The following TRPM3 variants were observed in gnomAD, a reference collection of about 807,000 sequenced individuals.
The protein encoded by TRPM3 is transient receptor potential cation channel subfamily M member 3, also known as long transient receptor potential channel 3.
In TRPM3, 77 loss-of-function variants were observed where a neutral mutation model predicts 181.2. The ratio of observed to expected loss-of-function variants is 0.42; its 90% confidence interval spans 0.35 to 0.51. The LOEUF (loss-of-function observed/expected upper bound fraction) is 0.51, where lower values mean the gene tolerates loss of function less well. TRPM3 is among the 20% of genes least tolerant of loss of function. TRPM3 has a pLI of 0.01. For synonymous variants in TRPM3, 745 were observed against 796.4 expected (o/e 0.94, Z 1.09); for missense variants, 1,759 against 2,196.7 (o/e 0.80, Z 3.98).
At chr9:70,947,668 G>A (rs182107147) in intron 1 of TRPM3, among the ~76,000 whole-genome samples, 2 of 152,226 alleles carry the variant, frequency 1.3e-5, no homozygotes, top group East Asian at 3.9e-4. Context: ...GAGACAATAA[G>A]GAAAGCTGCC....
At chr9:71,229,870 T>C (rs1316838703) in intron 1 of TRPM3, among the ~76,000 whole-genome samples, 1 of 151,986 alleles carries the variant, frequency 6.6e-6, no homozygotes, top group Non-Finnish European at 1.5e-5. Flanking sequence ...TGGAAAACAG[T>C]TTGGAGGTTT....
intron 1 of TRPM3, among the ~76,000 whole-genome samples, chr9:71,250,035 C>T (rs2082252851): frequency 1.3e-5 from 2 of 152,178 alleles, no homozygotes; most frequent in Non-Finnish European, 2.9e-5. Flanking sequence ...CTTGATAACT[C>T]CTCATTGACA....
In TRPM3 at chr9:70,894,856, G is replaced by A. The variant is rs192176391; in HGVS notation, c.178-30345C>T. The stretch of plus-strand genomic sequence containing the variant: ...CAAGAAGCTTACATTTTAGTGTCAC[G>A]CTGATTCTAACAGGACCTATTGCGG... On this transcript the variant is annotated intron_variant, in intron 1 of 25. Transcript: ENST00000677713. Among the ~76,000 whole-genome samples, 316 of 152,182 alleles carry A rather than the reference G, an allele frequency of 2.1e-3. 2 individuals are homozygous for A. Among genetic ancestry groups the A allele is most frequent in the Middle Eastern group, 6.8e-3 (2 of 294 alleles).
intron 5 of TRPM3, chr9:70,842,785 T>A: frequency 2.0e-6 from 1 of 503,398 alleles, no homozygotes; most frequent in South Asian, 4.3e-5. Context: ...TAAGTCTTAC[T>A]TTGGACCTTT....
chr9:70,619,348 T>C (rs529928742), intron 16 of TRPM3, among the ~76,000 whole-genome samples: 29 of 151,466 alleles, frequency 1.9e-4, no homozygotes, highest in Middle Eastern at 3.4e-3. Flanking sequence ...GATTCAGTCA[T>C]ATGAGTGTAG....
intron 1 of TRPM3, among the ~76,000 whole-genome samples, chr9:71,052,677 A>C (rs1237651388): frequency 6.6e-6 from 1 of 152,202 alleles, no homozygotes; most frequent in Middle Eastern, 3.4e-3. Flanking sequence ...CCATTCAAAA[A>C]ACCCTACATC....
At chr9:71,287,003 A>G (rs1163706707) in intron 1 of TRPM3, among the ~76,000 whole-genome samples, 2 of 141,438 alleles carry the variant, frequency 1.4e-5, no homozygotes, top group African/African-American at 2.6e-5. Context: ...ATTATATAAT[A>G]TACAACATAT....
chr9:71,184,463 T>C (rs1432876729), intron 1 of TRPM3, among the ~76,000 whole-genome samples: 2 of 152,114 alleles, frequency 1.3e-5, no homozygotes, highest in Non-Finnish European at 2.9e-5. Flanking sequence ...CTCTTCTCTT[T>C]TTCCTCTTCA....
chr9:71,268,449 T>C (rs1013009029), intron 1 of TRPM3, among the ~76,000 whole-genome samples: 85 of 152,158 alleles, frequency 5.6e-4, no homozygotes, highest in African/African-American at 2.0e-3. Context: ...AGTTGAATGA[T>C]AAAATTAAAC....
At chr9:70,600,979 G>T (rs907384221) in intron 20 of TRPM3, among the ~76,000 whole-genome samples, 6 of 152,142 alleles carry the variant, frequency 3.9e-5, no homozygotes, top group Non-Finnish European at 8.8e-5. Context: ...AATCCCCCCT[G>T]CCTCCTCCAC....
Position 70,799,998 on chromosome 9 carries a change from C to T in TRPM3, c.974-15719G>A, listed in dbSNP as rs113387310. Among the ~76,000 whole-genome samples the T allele has an allele frequency of 1.6e-4, 25 of 152,232 alleles. 2 individuals are homozygous for T. Among genetic ancestry groups the T allele is most frequent in the Non-Finnish European group, 7.3e-5 (5 of 68,042 alleles). On this transcript the variant is annotated intron_variant, in intron 6 of 25. Transcript: ENST00000677713. ...TGGGTCTCTCCAAACTCCAATACCACGAACTGCAATACAGTCATTTCTGTT... is the reference window on the plus strand; with the variant it reads ...TGGGTCTCTCCAAACTCCAATACCATGAACTGCAATACAGTCATTTCTGTT...
chr9:71,333,551 C>G (rs184910013), intron 1 of TRPM3, among the ~76,000 whole-genome samples: 32 of 152,028 alleles, frequency 2.1e-4, no homozygotes, highest in Admixed American at 1.6e-3. Flanking sequence ...TGGGGAGGCC[C>G]CTGTGAGAAA....
chr9:70,910,512 A>G (rs970794339), intron 1 of TRPM3, among the ~76,000 whole-genome samples: 1 of 152,188 alleles, frequency 6.6e-6, no homozygotes, highest in African/African-American at 2.4e-5. Flanking sequence ...TGATTTATCT[A>G]CTTTTCCAGT....
At chr9:71,234,784 T>G (rs7861071) in intron 1 of TRPM3, among the ~76,000 whole-genome samples, 65,234 of 152,030 alleles carry the variant, frequency 0.43, 14,398 homozygotes, top group East Asian at 0.52. Context: ...GTGTGCACAC[T>G]TTGGGAGATA....
chr9:70,803,445 TTTG>T (rs1183088034), intron 6 of TRPM3, among the ~76,000 whole-genome samples: 1 of 138,662 alleles, frequency 7.2e-6, no homozygotes, highest in Non-Finnish European at 1.5e-5. Context: ...CGCCACCGTT[TTTG>T]TTGTTTTTTT....
intron 22 of TRPM3, among the ~76,000 whole-genome samples, chr9:70,572,114 TTGTG>T (rs58492210): frequency 5.3e-5 from 8 of 149,954 alleles, no homozygotes; most frequent in African/African-American, 7.3e-5. Context: ...TCCCAGTTAC[TTGTG>T]TGTGTGTGTG....
intron 1 of TRPM3, among the ~76,000 whole-genome samples, chr9:71,366,998 T>C (rs1217144228): frequency 5.3e-5 from 8 of 152,190 alleles, no homozygotes; most frequent in Non-Finnish European, 1.2e-4. Context: ...TTAACTTGTA[T>C]TATGATGAAT....
intron 1 of TRPM3, among the ~76,000 whole-genome samples, chr9:71,400,172 T>C (rs2093309094): frequency 6.6e-6 from 1 of 152,166 alleles, no homozygotes; most frequent in Admixed American, 6.5e-5. Flanking sequence ...TTTTCATTCA[T>C]TCATTTTGCC....
At chr9:70,993,530 GT>G (rs1354473346) in intron 1 of TRPM3, among the ~76,000 whole-genome samples, 1 of 152,066 alleles carries the variant, frequency 6.6e-6, no homozygotes, top group Non-Finnish European at 1.5e-5. Context: ...AAATCAAAAG[GT>G]TCAGTTTTGG....
Sources: allele counts gnomAD v4.1 joint callset (sites outside exome capture counted in the v4.1 genomes callset), GRCh38; gene constraint gnomAD v4.1.1; transcripts MANE v1.5; gene names NCBI Gene and HGNC (gene_info 2026-07-23, HGNC 2026-07-21).